The following COL24A1 variants were observed in gnomAD, a reference collection of about 807,000 sequenced individuals.
COL24A1 encodes the protein collagen type XXIV alpha 1 chain.
COL24A1 carries 224 observed loss-of-function variants against 253.9 expected under a neutral mutation model. The ratio of observed to expected loss-of-function variants is 0.88; its 90% confidence interval spans 0.79 to 0.99. The LOEUF is 0.99. Ranked by LOEUF, COL24A1 falls within the 50% of genes least tolerant of loss-of-function variation. The pLI is 0.00. For missense variants in COL24A1, 2,131 were observed against 2,068.5 expected (o/e 1.03, Z -0.59); for synonymous variants, 685 against 673.7 (o/e 1.02, Z -0.26).
chr1:86,074,948 A>G (rs1365283502), intron 7 of COL24A1, among the ~76,000 whole-genome samples: 1 of 152,132 alleles, frequency 6.6e-6, no homozygotes, highest in African/African-American at 2.4e-5. Context: ...GGAAAGATCT[A>G]AAATCAACAC....
At chr1:85,858,621 C>CTCCTTCCTTCCTTCCTTCCT (rs1192322864) in intron 37 of COL24A1, among the ~76,000 whole-genome samples, 257 of 113,320 alleles carry the variant, frequency 2.3e-3, no homozygotes, top group Non-Finnish European at 2.6e-3. Flanking sequence ...TATTTTCTCC[C>CTCCTTCCTTCCTTCCTTCCT]TCCTTCCTTC....
At chr1:86,086,246 T>C (rs1703055663) in intron 7 of COL24A1, among the ~76,000 whole-genome samples, 1 of 152,176 alleles carries the variant, frequency 6.6e-6, no homozygotes, top group Non-Finnish European at 1.5e-5. Context: ...GGTACACAGA[T>C]ATACTTAAAT....
intron 53 of COL24A1, among the ~76,000 whole-genome samples, chr1:85,771,861 C>T (rs1668002916): frequency 6.7e-6 from 1 of 149,404 alleles, no homozygotes; most frequent in Non-Finnish European, 1.5e-5. Context: ...AGGTTAGTTA[C>T]ATATGTATAC....
chr1:86,156,538 A>T lies in COL24A1; in HGVS notation c.-142T>A. 1.5e-6 allele frequency: 1 copy of T among 673,394 alleles called. No homozygotes were observed. Among genetic ancestry groups the T allele is most frequent in the Non-Finnish European group, 2.3e-6 (1 of 438,292 alleles). The allele number at this position is 673,394 out of a possible 1,614,324, so 41.7% of individuals were successfully genotyped here. A position where few individuals can be genotyped will look rare whatever the true frequency, so the allele number is the denominator to read the frequency against. ...GCTTCAAACCCGCAACAAGAAAAAA[A>T]GGAGGGGAGGGGGTGAAGTCGGGAG... is the stretch of plus-strand genomic sequence containing the variant. On this transcript the variant is annotated 5_prime_UTR_variant, in exon 1 of 60. Coordinates refer to ENST00000370571, the MANE Select transcript of COL24A1 (RefSeq NM_152890.7).
chr1:85,875,403 C>CA, intron 33 of COL24A1, 73 bp from the exon 34 acceptor site: 1 of 1,204,874 alleles, frequency 8.3e-7, no homozygotes, highest in Non-Finnish European at 1.2e-6. Context: ...ACACTGAACT[C>CA]AAGGGTGAGA....
At chr1:85,787,970 C>G (rs534934394) in intron 47 of COL24A1, among the ~76,000 whole-genome samples, 70 of 152,284 alleles carry the variant, frequency 4.6e-4, no homozygotes, top group Middle Eastern at 3.4e-3. Context: ...ATTTGCATTT[C>G]TCTAATAATC....
At chr1:86,117,269 G>A (rs1189600181) in intron 3 of COL24A1, among the ~76,000 whole-genome samples, 1 of 152,146 alleles carries the variant, frequency 6.6e-6, no homozygotes, top group Non-Finnish European at 1.5e-5. Flanking sequence ...GGGGACTTTG[G>A]GAGGTGATGG....
At chr1:86,103,278 G>A (rs1316793409) in intron 5 of COL24A1, among the ~76,000 whole-genome samples, 5 of 152,046 alleles carry the variant, frequency 3.3e-5, no homozygotes, top group African/African-American at 7.2e-5. Flanking sequence ...GTGTGTTACT[G>A]CATGTAAGAT....
At chr1:86,050,250 A>T (rs1700210135) in intron 10 of COL24A1, 73 bp from the exon 11 acceptor site, 3 of 1,347,290 alleles carry the variant, frequency 2.2e-6, no homozygotes, top group African/African-American at 2.9e-5. Context: ...GAATAGAAGT[A>T]CTTAAAATTT....
At chr1:86,111,076 C>T (rs1705537135) in intron 5 of COL24A1, among the ~76,000 whole-genome samples, 1 of 152,202 alleles carries the variant, frequency 6.6e-6, no homozygotes, top group South Asian at 2.1e-4. Context: ...CCAATCAGCA[C>T]TCTGTGTCTA....
chr1:86,014,545 T>G (rs1338869289), intron 19 of COL24A1, among the ~76,000 whole-genome samples: 1 of 152,152 alleles, frequency 6.6e-6, no homozygotes, highest in East Asian at 1.9e-4. Flanking sequence ...TAAAGGCCTT[T>G]GAACCCTAAC....
intron 14 of COL24A1, 61 bp from the exon 15 acceptor site, chr1:86,023,068 T>C (rs939051374): frequency 6.6e-7 from 1 of 1,510,136 alleles, no homozygotes; most frequent in Non-Finnish European, 9.1e-7. Context: ...AAAGAAAATG[T>C]GGCAGAATTA....
At chr1:86,057,908 G>T in intron 10 of COL24A1, 23 bp downstream of exon 10, 1 of 1,608,758 alleles carries the variant, frequency 6.2e-7, no homozygotes, top group South Asian at 1.1e-5. Context: ...ATGCTTAACA[G>T]AATGATGGAA....
intron 14 of COL24A1, among the ~76,000 whole-genome samples, chr1:86,026,445 T>C (rs1357887478): frequency 1.3e-5 from 2 of 152,194 alleles, no homozygotes; most frequent in Non-Finnish European, 2.9e-5. Flanking sequence ...ATTCTCATGA[T>C]AGTGAGTGAG....
At chr1:85,812,831 T>C (rs1438450413) in intron 47 of COL24A1, among the ~76,000 whole-genome samples, 1 of 152,094 alleles carries the variant, frequency 6.6e-6, no homozygotes, top group East Asian at 1.9e-4. Flanking sequence ...AATCCAACAA[T>C]ATGGACTTTT....
chr1:86,090,144 C>T (rs943382064), intron 6 of COL24A1, among the ~76,000 whole-genome samples: 2 of 152,154 alleles, frequency 1.3e-5, no homozygotes, highest in Non-Finnish European at 2.9e-5. Flanking sequence ...TAGGCGTTAC[C>T]GATTAGCGCT....
At chr1:86,090,078 G>A (rs1427866278) in intron 6 of COL24A1, among the ~76,000 whole-genome samples, 1 of 152,112 alleles carries the variant, frequency 6.6e-6, no homozygotes, top group Non-Finnish European at 1.5e-5. Flanking sequence ...CCCTCACCCC[G>A]GAGTAACGAG....
intron 10 of COL24A1, among the ~76,000 whole-genome samples, 178 bp downstream of exon 10, chr1:86,057,753 A>G (rs1700769794): frequency 6.6e-6 from 1 of 152,226 alleles, no homozygotes; most frequent in Non-Finnish European, 1.5e-5. Flanking sequence ...ACCTACCACA[A>G]TGAGACTGTT....
At chr1:86,042,478 A>G (rs187484839) in intron 12 of COL24A1, among the ~76,000 whole-genome samples, 1 of 152,286 alleles carries the variant, frequency 6.6e-6, no homozygotes, top group African/African-American at 2.4e-5. Flanking sequence ...AATAAATTTT[A>G]ACACAAATGT....
Sources: gnomAD v4.1 joint callset for allele counts (sites outside exome capture counted in the v4.1 genomes callset) on GRCh38, gnomAD v4.1.1 for gene constraint, MANE v1.5 for transcripts, NCBI Gene and HGNC (gene_info 2026-07-23, HGNC 2026-07-21) for gene names.